Variants in DNASE1 observed in about 807,000 individuals in gnomAD.
The protein encoded by DNASE1 is deoxyribonuclease 1.
DNASE1 carries 40 observed loss-of-function variants against 33.9 expected under a neutral mutation model. That is an observed-to-expected ratio of 1.18 (90% CI 0.92 to 1.54). The LOEUF (loss-of-function observed/expected upper bound fraction) is 1.54, where lower values mean the gene tolerates loss of function less well. Ranked by LOEUF, DNASE1 falls within the 40% of genes most tolerant of loss-of-function variation. The pLI is 0.00. For missense variants in DNASE1, 518 were observed against 372.6 expected (o/e 1.39, Z -3.21); for synonymous variants, 216 against 160.0 (o/e 1.35, Z -2.64).
At chr16:3,613,500 ATGT>A (rs1283298137) in intron 1 of DNASE1, among the ~76,000 whole-genome samples, 1 of 152,154 alleles carries the variant, frequency 6.6e-6, no homozygotes, top group Non-Finnish European at 1.5e-5. Flanking sequence ...TTGATTCTGA[ATGT>A]TGAGCTTCAA....
At chr16:3,648,891 C>G (rs1596624768) in intron 1 of DNASE1, among the ~76,000 whole-genome samples, 1 of 152,300 alleles carries the variant, frequency 6.6e-6, no homozygotes, top group South Asian at 2.1e-4. Context: ...ACATCCATCT[C>G]AAAATGTGAA....
exon 10 of DNASE1, chr16:3,664,477 G>A: frequency 6.3e-7 from 1 of 1,598,680 alleles, no homozygotes; most frequent in Non-Finnish European, 8.5e-7. Flanking sequence ...GGACGGGGCA[G>A]GTCACCACTT....
At chr16:3,665,312 C>T (rs1333569132) in exon 10 of DNASE1, 1 of 152,280 alleles carries the variant, frequency 6.6e-6, no homozygotes, top group Non-Finnish European at 1.5e-5. Flanking sequence ...ACGGGATGGG[C>T]TCCTGGGATG....
At chr16:3,630,994 C>G (rs1487936778) in intron 1 of DNASE1, among the ~76,000 whole-genome samples, 5 of 151,800 alleles carry the variant, frequency 3.3e-5, no homozygotes, top group Non-Finnish European at 7.4e-5. Flanking sequence ...TGTCATTTTG[C>G]TGTTTCTTTT....
At position 3,619,266 on chromosome 16, in the gene DNASE1, G is replaced by C. The variant is rs151205789; in HGVS notation, c.-1359+7260G>C. On this transcript the variant is annotated intron_variant and NMD_transcript_variant, in intron 1 of 11. Coordinates refer to the DNASE1 transcript ENST00000570769. Reference sequence around the variant, plus strand: ...GCCCAGGCTGATCTCAAACTCCTGCGCTCAAGTGATCTGCCCACCTTGGCC... The same window carrying C: ...GCCCAGGCTGATCTCAAACTCCTGCCCTCAAGTGATCTGCCCACCTTGGCC... 4.0e-3 allele frequency among the ~76,000 whole-genome samples: 609 copies of C among 152,194 alleles called. 3 individuals are homozygous for C. The highest frequency in any genetic ancestry group is 0.014 in the African/African-American group (563 of 41,514).
chr16:3,629,887 C>T (rs758295064), intron 1 of DNASE1, among the ~76,000 whole-genome samples: 3 of 152,176 alleles, frequency 2.0e-5, no homozygotes, highest in Admixed American at 6.5e-5. Context: ...AATCTTGGCT[C>T]ACTGCAACCT....
chr16:3,651,850 C>G (rs928216850), upstream of DNASE1: 12 of 152,436 alleles, frequency 7.9e-5, no homozygotes, highest in Admixed American at 7.8e-4. Context: ...AAAAGAGATC[C>G]ACGAGGGAGA....
chr16:3,625,131 A>AC (rs2041465190), intron 1 of DNASE1, among the ~76,000 whole-genome samples: 1 of 150,482 alleles, frequency 6.6e-6, no homozygotes, highest in Non-Finnish European at 1.5e-5. Context: ...ACATGGTGAA[A>AC]CCCCGTCTCT....
chr16:3,657,109 G>A lies in DNASE1; in HGVS notation c.547G>A (p.Glu183Lys). 6.2e-7 allele frequency: 1 copy of A among 1,613,992 alleles called. No individual in the cohort carries two copies. Among genetic ancestry groups the A allele is most frequent in the South Asian group, 1.1e-5 (1 of 91,094 alleles). Residue 183 changes from glutamate to lysine, a missense_variant and splice_region_variant, in exon 6 of 9, where the codon GAG becomes AAG. By Grantham distance (56) the Glu-to-Lys change is moderately conservative. Coordinates refer to ENST00000246949, the MANE Select transcript of DNASE1 (RefSeq NM_005223.4). ...GGATGTCCAAGAGAAATGGGGCTTG[G>A]AGGTGAGGCCCTCCCAGGGGCAGTG... ...YLDVQEKWGL[E>K]DVMLMGDFNA...
At chr16:3,634,989 G>C (rs1455546679) in intron 1 of DNASE1, among the ~76,000 whole-genome samples, 1 of 151,936 alleles carries the variant, frequency 6.6e-6, no homozygotes, top group African/African-American at 2.4e-5. Context: ...TTAAGGAGGG[G>C]AGGTCACCAT....
At chr16:3,617,099 T>C (rs962380200) in intron 1 of DNASE1, among the ~76,000 whole-genome samples, 2 of 151,774 alleles carry the variant, frequency 1.3e-5, no homozygotes, top group African/African-American at 2.4e-5. Flanking sequence ...CCCAGCACTT[T>C]TGGCATCACC....
At chr16:3,625,003 T>G (rs1188026221) in intron 1 of DNASE1, among the ~76,000 whole-genome samples, 1 of 152,110 alleles carries the variant, frequency 6.6e-6, no homozygotes, top group Non-Finnish European at 1.5e-5. Flanking sequence ...GCCTGCAGTT[T>G]TTCTTATTAA....
At chr16:3,658,906 C>T (rs376595103), downstream of DNASE1, 53 of 1,593,574 alleles carry the variant, frequency 3.3e-5, no homozygotes, top group East Asian at 6.7e-5. Flanking sequence ...CTCAGTACCA[C>T]GTGCTGTGAC....
intron 1 of DNASE1, among the ~76,000 whole-genome samples, chr16:3,617,172 C>G (rs1319757379): frequency 6.6e-6 from 1 of 151,172 alleles, no homozygotes; most frequent in Non-Finnish European, 1.5e-5. Flanking sequence ...ACTAAAAATA[C>G]AAAATTAGCA....
At chr16:3,653,022 C>G (rs2042388645), upstream of DNASE1, 1 of 152,274 alleles carries the variant, frequency 6.6e-6, no homozygotes, top group African/African-American at 2.4e-5. Flanking sequence ...TAGCTGTGCC[C>G]TAGCCCTGGA....
At chr16:3,616,392 A>G (rs559386540) in intron 1 of DNASE1, among the ~76,000 whole-genome samples, 255 of 152,328 alleles carry the variant, frequency 1.7e-3, no homozygotes, top group African/African-American at 5.7e-3. Flanking sequence ...AGTCTGAGTC[A>G]GGCAGATCAC....
At chr16:3,646,487 A>G (rs2042175676) in intron 1 of DNASE1, among the ~76,000 whole-genome samples, 1 of 151,976 alleles carries the variant, frequency 6.6e-6, no homozygotes, top group African/African-American at 2.4e-5. Context: ...ACCTGGGGCC[A>G]TGGCGGGTGT....
downstream of DNASE1, chr16:3,658,425 T>C (rs866327484): frequency 1.2e-5 from 7 of 606,740 alleles, no homozygotes; most frequent in Admixed American, 3.0e-5. Flanking sequence ...TGGCCATTTT[T>C]CCGTTTTTAA....
At chr16:3,659,271 A>C (rs2042924442), downstream of DNASE1, 1 of 173,702 alleles carries the variant, frequency 5.8e-6, no homozygotes, top group African/African-American at 2.4e-5. Flanking sequence ...CCATGTAACG[A>C]GGGTGGACAC....
Sources: allele counts gnomAD v4.1 joint callset (sites outside exome capture counted in the v4.1 genomes callset), GRCh38; gene constraint gnomAD v4.1.1; transcripts MANE v1.5; gene names NCBI Gene and HGNC (gene_info 2026-07-23, HGNC 2026-07-21).